The following OGN variants were observed in gnomAD, a reference collection of about 807,000 sequenced individuals.
The protein encoded by OGN is mimecan.
Under a neutral mutation model 30.8 loss-of-function variants are expected in OGN, and 19 were observed. That is an observed-to-expected ratio of 0.62 (90% confidence interval 0.43 to 0.90). The LOEUF (loss-of-function observed/expected upper bound fraction) is 0.90, where lower values mean the gene tolerates loss of function less well. OGN is among the 40% of genes least tolerant of loss of function. The pLI is 0.00. For missense variants in OGN, 283 were observed against 349.7 expected (o/e 0.81, Z 1.52); for synonymous variants, 126 against 128.3 (o/e 0.98, Z 0.12).
At chr9:92,401,736 A>C (rs920544266) in intron 2 of OGN, among the ~76,000 whole-genome samples, 2 of 151,888 alleles carry the variant, frequency 1.3e-5, no homozygotes, top group Non-Finnish European at 1.5e-5. Flanking sequence ...TACCTTACCT[A>C]CCCTGCTTGG....
In OGN at chr9:92,387,361, A is replaced by G. The variant is rs528955429; in HGVS notation, c.631-1065T>C. On this transcript the variant is annotated intron_variant, in intron 5 of 6. Coordinates refer to ENST00000375561, the MANE Select transcript of OGN (RefSeq NM_014057.5). The stretch of plus-strand genomic sequence containing the variant: ...ACTGCACTCCAGCCTGGGCCACAGA[A>G]CGAGACTCCATCTCAAGAAAAAAAA... 8.6e-5 allele frequency among the ~76,000 whole-genome samples: 13 copies of G among 151,628 alleles called. 1 individual carries two copies. Among genetic ancestry groups the G allele is most frequent in the African/African-American group, 3.1e-4 (13 of 41,380 alleles).
At chr9:92,399,766 T>G (rs1011381175) in intron 3 of OGN, among the ~76,000 whole-genome samples, 3 of 152,230 alleles carry the variant, frequency 2.0e-5, no homozygotes, top group African/African-American at 7.2e-5. Context: ...CCATTTTTGC[T>G]TCAGTGATTT....
intron 3 of OGN, among the ~76,000 whole-genome samples, chr9:92,399,866 A>C (rs947788020): frequency 1.3e-5 from 2 of 152,052 alleles, no homozygotes; most frequent in African/African-American, 2.4e-5. Flanking sequence ...CTTTTTGTCT[A>C]TTCATATACC....
At chr9:92,401,790 A>G (rs1843121729) in intron 2 of OGN, among the ~76,000 whole-genome samples, 1 of 152,144 alleles carries the variant, frequency 6.6e-6, no homozygotes, top group Non-Finnish European at 1.5e-5. Context: ...TGGAGTAGAT[A>G]CAATTTAGAT....
chr9:92,401,914 G>A (rs2130929490), intron 2 of OGN, among the ~76,000 whole-genome samples: 1 of 152,204 alleles, frequency 6.6e-6, no homozygotes, highest in South Asian at 2.1e-4. Context: ...TCTCGGTCTT[G>A]ACTCCTGACT....
intron 5 of OGN, among the ~76,000 whole-genome samples, chr9:92,386,836 C>T (rs1167022447): frequency 6.6e-6 from 1 of 151,910 alleles, no homozygotes; most frequent in Non-Finnish European, 1.5e-5. Flanking sequence ...CCCGCCTCAG[C>T]CTCCCAAAGT....
chr9:92,403,090 A>G, intron 2 of OGN, 144 bp downstream of exon 2: 2 of 564,026 alleles, frequency 3.5e-6, no homozygotes, highest in Non-Finnish European at 6.1e-6. Context: ...ATACAATCTT[A>G]GGGACAATTA....
chr9:92,388,876 T>G (rs922078756), intron 5 of OGN, among the ~76,000 whole-genome samples: 4 of 151,212 alleles, frequency 2.6e-5, no homozygotes, highest in African/African-American at 9.7e-5. Context: ...AAAAGTCCTC[T>G]AAGAGTCCCT....
Position 92,385,489 on chromosome 9 carries a change from C to T in OGN, c.*131G>A. The T allele has an allele frequency of 1.3e-6, 1 of 778,168 alleles. No homozygotes were observed. Among genetic ancestry groups the T allele is most frequent in the Non-Finnish European group, 2.0e-6 (1 of 497,040 alleles). 48.2% of individuals were successfully genotyped at this position (778,168 alleles called of 1,614,324 possible). A position where few individuals can be genotyped will look rare whatever the true frequency, so the allele number is the denominator to read the frequency against. ...ATATGTAAGATTTTGAACATCCTTG[C>T]TTAAAATATTAAATTCCTTCAAAAT... On this transcript the variant is annotated 3_prime_UTR_variant, in exon 7 of 7. Coordinates refer to ENST00000375561, the MANE Select transcript of OGN (RefSeq NM_014057.5).
chr9:92,396,441 C>G (rs1418743300), intron 3 of OGN, among the ~76,000 whole-genome samples: 1 of 151,846 alleles, frequency 6.6e-6, no homozygotes, highest in Non-Finnish European at 1.5e-5. Flanking sequence ...TTGGGGAAAA[C>G]TGACATCTTA....
chr9:92,398,746 A>G (rs963998382), intron 3 of OGN, among the ~76,000 whole-genome samples: 3 of 152,164 alleles, frequency 2.0e-5, no homozygotes, highest in African/African-American at 7.2e-5. Flanking sequence ...TTGCATTTGT[A>G]TTTTATTTTG....
intron 6 of OGN, 91 bp from the exon 7 acceptor site, chr9:92,385,881 C>T: frequency 8.6e-7 from 1 of 1,160,826 alleles, no homozygotes; most frequent in South Asian, 1.4e-5. Context: ...AGTCAGAGGT[C>T]TGAGTGCCCC....
At chr9:92,388,839 A>AG (rs1407306827) in intron 5 of OGN, among the ~76,000 whole-genome samples, 1 of 151,990 alleles carries the variant, frequency 6.6e-6, no homozygotes, top group Admixed American at 6.6e-5. Context: ...CTCAAAAAAA[A>AG]AAAAAAAAAA....
chr9:92,404,227 T>G (rs1428624869), intron 1 of OGN, among the ~76,000 whole-genome samples: 1 of 152,112 alleles, frequency 6.6e-6, no homozygotes, highest in African/African-American at 2.4e-5. Flanking sequence ...CACTCAAGAG[T>G]TGCTGATGCT....
At position 92,389,904 on chromosome 9, in the gene OGN, C is replaced by T; in HGVS notation, c.580G>A (p.Ala194Thr). The T allele has an allele frequency of 6.2e-7, 1 of 1,612,880 alleles. No individual in the cohort carries two copies. The highest frequency in any genetic ancestry group is 8.5e-7 in the Non-Finnish European group (1 of 1,179,440). The stretch of plus-strand genomic sequence containing the variant: ...CTACTCTTGATTTTGTTGTATTTTG[C>T]ATTAAATAAAGTGAGCTTGGGAGGA... Reference protein sequence around the residue: ...VLPPKLTLFNAKYNKIKSRGI... With the variant: ...VLPPKLTLFNTKYNKIKSRGI... Residue 194 changes from alanine (A) to threonine (T), a missense_variant, in exon 5 of 7, where the codon GCA (alanine) becomes ACA (threonine). Transcript: ENST00000375561.
intron 5 of OGN, among the ~76,000 whole-genome samples, chr9:92,388,319 G>A (rs187887106): frequency 9.9e-5 from 15 of 151,430 alleles, no homozygotes; most frequent in Admixed American, 9.2e-4. Context: ...CCACCACCAC[G>A]CCTAGCTAAT....
chr9:92,403,438 A>G lies in OGN; in HGVS notation c.-31T>C. Reference sequence around the variant, plus strand: ...CAAAAATCAAGGTGACTGGAAGTTAATAAACTAGTGGCCTGCTGACTGTGG... The same window carrying G: ...CAAAAATCAAGGTGACTGGAAGTTAGTAAACTAGTGGCCTGCTGACTGTGG... On this transcript the variant is annotated 5_prime_UTR_variant, in exon 2 of 7. Coordinates refer to ENST00000375561, the MANE Select transcript of OGN (RefSeq NM_014057.5). The G allele has an allele frequency of 1.3e-6, 2 of 1,587,118 alleles. No individual in the cohort carries two copies. Among genetic ancestry groups the G allele is most frequent in the South Asian group, 1.2e-5 (1 of 86,058 alleles).
intron 3 of OGN, among the ~76,000 whole-genome samples, chr9:92,398,131 C>A (rs1156709111): frequency 6.6e-6 from 1 of 152,204 alleles, no homozygotes; most frequent in African/African-American, 2.4e-5. Flanking sequence ...AACCTACTCA[C>A]TGGAACTTCA....
intron 3 of OGN, 87 bp from the exon 4 acceptor site, chr9:92,393,331 C>G: frequency 9.9e-7 from 1 of 1,007,836 alleles, no homozygotes. Flanking sequence ...ATTATGAATG[C>G]TATTACTAAT....
Sources: gnomAD v4.1 joint callset for allele counts (sites outside exome capture counted in the v4.1 genomes callset) on GRCh38, gnomAD v4.1.1 for gene constraint, MANE v1.5 for transcripts, NCBI Gene and HGNC (gene_info 2026-07-23, HGNC 2026-07-21) for gene names.